Variants in ZNF577 observed in about 807,000 individuals in gnomAD.
ZNF577 encodes zinc finger protein 577.
A neutral mutation model predicts 13.9 loss-of-function variants in ZNF577; 14 were observed. That is an observed-to-expected ratio of 1.00 (90% CI 0.66 to 1.57). ZNF577 has a LOEUF of 1.57. ZNF577 is among the 40% of genes most tolerant of loss of function. The probability of loss-of-function intolerance (pLI) is 0.00; values close to 1 mark genes in which losing one functional copy is unlikely to be tolerated. For missense variants in ZNF577, 555 were observed against 579.2 expected, an observed-to-expected ratio of 0.96 and a Z score of 0.43; for synonymous variants, 203 against 202.9, an observed-to-expected ratio of 1.00 and a Z score of 0.00.
chr19:51,844,772 T>C (rs556629453), exon 6 of ZNF577: 2 of 152,380 alleles, frequency 1.3e-5, no homozygotes, highest in Admixed American at 6.5e-5. Flanking sequence ...AACTTTGTCA[T>C]GTTCAAGAGC....
At chr19:51,813,834 G>A (rs560242438) in intron 9 of ZNF577, among the ~76,000 whole-genome samples, 10 of 152,148 alleles carry the variant, frequency 6.6e-5, no homozygotes, top group South Asian at 4.1e-4. Flanking sequence ...GCAGCTGGCC[G>A]ATGTTTTCCT....
At chr19:51,831,102 T>C (rs2084258797) in intron 9 of ZNF577, among the ~76,000 whole-genome samples, 1 of 152,132 alleles carries the variant, frequency 6.6e-6, no homozygotes, top group South Asian at 2.1e-4. Flanking sequence ...TAAGTAATTA[T>C]TGATTCTTTA....
intron 1 of ZNF577, among the ~76,000 whole-genome samples, chr19:51,881,623 G>C (rs1476433836): frequency 6.6e-6 from 1 of 152,094 alleles, no homozygotes; most frequent in East Asian, 1.9e-4. Flanking sequence ...TCCTACAACA[G>C]CCTTACAGTG....
intron 1 of ZNF577, among the ~76,000 whole-genome samples, chr19:51,883,203 G>C (rs1335823069): frequency 6.6e-6 from 1 of 151,950 alleles, no homozygotes; most frequent in Non-Finnish European, 1.5e-5. Context: ...ATCTTTGCCA[G>C]GCTGGTCTTG....
Position 51,854,438 on chromosome 19 carries a change from C to T in ZNF577, c.284-9507G>A, listed in dbSNP as rs1032688601. Among the ~76,000 whole-genome samples the T allele has an allele frequency of 2.2e-4, 34 of 151,768 alleles. 1 individual carries two copies. Among genetic ancestry groups the T allele is most frequent in the African/African-American group, 9.7e-5 (4 of 41,254 alleles). On this transcript the variant is annotated intron_variant and NMD_transcript_variant, in intron 5 of 10. Transcript: ENST00000638827. ...TGACCTCCTGAGCTCAGGCAATCCT[C>T]CTGCCTCTGCCTCCTGAGTAGCTGG...
At chr19:51,852,534 G>C (rs1434020806) in intron 5 of ZNF577, among the ~76,000 whole-genome samples, 1 of 152,178 alleles carries the variant, frequency 6.6e-6, no homozygotes, top group Non-Finnish European at 1.5e-5. Flanking sequence ...GAGGTTTATA[G>C]AGCAAAGAAT....
At chr19:51,881,002 G>A (rs1272019867) in intron 1 of ZNF577, 125 bp from the exon 2 acceptor site, 1 of 152,416 alleles carries the variant, frequency 6.6e-6, no homozygotes, top group Non-Finnish European at 1.5e-5. Flanking sequence ...TAACACCCTG[G>A]AAGCCATTAC....
At chr19:51,853,503 T>C (rs2084389943) in intron 5 of ZNF577, among the ~76,000 whole-genome samples, 1 of 152,212 alleles carries the variant, frequency 6.6e-6, no homozygotes, top group Admixed American at 6.5e-5. Context: ...TGAACTGCGT[T>C]GTATTGGTCT....
chr19:51,873,308 G>A lies in ZNF577; in HGVS notation c.682C>T (p.Gln228Ter), dbSNP rs1022598141. The A allele has an allele frequency of 1.2e-6, 2 of 1,614,166 alleles. No individual in the cohort carries two copies. Among genetic ancestry groups the A allele is most frequent in the South Asian group, 2.2e-5 (2 of 91,084 alleles). The change falls in exon 6 of 6, where the codon CAG becomes TAG. Residue 228 changes from glutamine to a stop codon, truncating the protein, a stop_gained. Coordinates refer to ENST00000638348, the MANE Select transcript of ZNF577 (RefSeq NM_001370449.1). LOFTEE classifies it low-confidence loss of function (END_TRUNC). ...TGGGTTCTCTGATGGACCATGAGCT[G>A]TGACTTTCTGGAGAAGGCTTTTCCA... ...ECGKAFSRKS[Q>*]LMVHQRTHTG...
At chr19:51,847,802 C>T (rs1333474399) in intron 5 of ZNF577, among the ~76,000 whole-genome samples, 2 of 152,176 alleles carry the variant, frequency 1.3e-5, no homozygotes, top group Non-Finnish European at 2.9e-5. Context: ...AATGTAATCT[C>T]ACACAGGAGT....
chr19:51,857,675 G>A (rs1014217937), intron 5 of ZNF577, among the ~76,000 whole-genome samples: 8 of 152,168 alleles, frequency 5.3e-5, no homozygotes, highest in African/African-American at 1.9e-4. Flanking sequence ...TCGGGTGGGT[G>A]ATTGCCTGAG....
chr19:51,878,482 A>C lies in ZNF577; in HGVS notation c.94T>G (p.Phe32Val), dbSNP rs1430853399. ...AAAAACTGCCACTCCTCCCTGGTGA[A>C]GCCCACAGCCACATCTTCGAATGAC... ...SLSFEDVAVG[F>V]TREEWQFLDQ... Residue 32 changes from phenylalanine to valine, a missense_variant, in exon 4 of 6, where the codon TTC becomes GTC. By Grantham distance (50) the Phe-to-Val change is conservative. Transcript: ENST00000638348. 4 of 1,614,060 alleles carry C rather than the reference A, an allele frequency of 2.5e-6. No homozygotes were observed. The highest frequency in any genetic ancestry group is 1.3e-5 in the African/African-American group (1 of 74,950).
chr19:51,868,072 A>G lies in ZNF577; in HGVS notation c.*4460T>C, dbSNP rs2084593326. Among the ~76,000 whole-genome samples the G allele has an allele frequency of 6.6e-6, 1 of 152,224 alleles. No homozygotes were observed. The highest frequency in any genetic ancestry group is 2.4e-5 in the African/African-American group (1 of 41,448). ...CAAGTTCTAAACTGGGAATCAAGACAAAGTGGATGGAATCTGTAAATCTGT... is the reference window on the plus strand; with the variant it reads ...CAAGTTCTAAACTGGGAATCAAGACGAAGTGGATGGAATCTGTAAATCTGT... On this transcript the variant is annotated 3_prime_UTR_variant, in exon 6 of 6. Transcript: ENST00000638348.
chr19:51,822,762 G>T (rs2084199848), intron 9 of ZNF577, among the ~76,000 whole-genome samples: 1 of 152,200 alleles, frequency 6.6e-6, no homozygotes, highest in Non-Finnish European at 1.5e-5. Context: ...TACAACGGAT[G>T]CTAAGTAGGG....
intron 1 of ZNF577, among the ~76,000 whole-genome samples, chr19:51,883,200 C>A (rs1247481836): frequency 6.6e-6 from 1 of 152,002 alleles, no homozygotes; most frequent in Non-Finnish European, 1.5e-5. Flanking sequence ...ACCATCTTTG[C>A]CAGGCTGGTC....
At chr19:51,861,285 TTG>T in intron 5 of ZNF577, 1 of 164,390 alleles carries the variant, frequency 6.1e-6, no homozygotes, top group East Asian at 1.9e-4. Context: ...ACCTGGCTAT[TTG>T]TTTTTTTTTT....
chr19:51,855,505 C>T (rs938404390), intron 5 of ZNF577, among the ~76,000 whole-genome samples: 12 of 151,938 alleles, frequency 7.9e-5, no homozygotes, highest in Non-Finnish European at 1.5e-4. Context: ...TACTGGTACC[C>T]TCAGGTATCT....
intron 9 of ZNF577, among the ~76,000 whole-genome samples, chr19:51,835,942 C>T (rs1369452001): frequency 6.6e-6 from 1 of 152,220 alleles, no homozygotes; most frequent in Non-Finnish European, 1.5e-5. Context: ...ATCCACCTGC[C>T]TTGGCCTCCC....
intron 1 of ZNF577, among the ~76,000 whole-genome samples, chr19:51,881,114 A>C (rs761794139): frequency 1.4e-4 from 21 of 152,204 alleles, no homozygotes; most frequent in Non-Finnish European, 2.6e-4. Context: ...AGGAGAAAGT[A>C]AACAAAAACC....
Sources: allele counts gnomAD v4.1 joint callset (sites outside exome capture counted in the v4.1 genomes callset), GRCh38; gene constraint gnomAD v4.1.1; transcripts MANE v1.5; gene names NCBI Gene and HGNC (gene_info 2026-07-23, HGNC 2026-07-21).